Variants in SBF2 observed in about 807,000 individuals in gnomAD.
SBF2 encodes the protein SET binding factor 2.
A neutral mutation model predicts 225.2 loss-of-function variants in SBF2; 112 were observed. The ratio of observed to expected loss-of-function variants is 0.50; its 90% CI spans 0.43 to 0.58. The LOEUF is 0.58. Ranked by LOEUF, SBF2 falls within the 20% of genes least tolerant of loss-of-function variation. The pLI is 0.00. For synonymous variants in SBF2, 763 were observed against 773.3 expected (o/e 0.99, Z 0.22); for missense variants, 1,996 against 2,206.2 (o/e 0.90, Z 1.91).
intron 2 of SBF2, among the ~76,000 whole-genome samples, chr11:10,073,710 G>A (rs1342645743): frequency 1.3e-5 from 2 of 152,116 alleles, no homozygotes; most frequent in African/African-American, 4.8e-5. Flanking sequence ...GGGAGACAGA[G>A]TGCGGCTCCA....
At chr11:9,873,326 G>T (rs1396537970) in intron 17 of SBF2, among the ~76,000 whole-genome samples, 1 of 152,002 alleles carries the variant, frequency 6.6e-6, no homozygotes, top group Non-Finnish European at 1.5e-5. Flanking sequence ...CACAAATGGT[G>T]GTTATAGTCA....
intron 1 of SBF2, among the ~76,000 whole-genome samples, chr11:10,201,127 C>A (rs1957555629): frequency 6.6e-6 from 1 of 152,114 alleles, no homozygotes; most frequent in Admixed American, 6.5e-5. Flanking sequence ...AAACGCACAG[C>A]ACTAGAAAAT....
chr11:10,289,175 G>A lies in SBF2; in HGVS notation c.55+4840C>T, dbSNP rs748436939. On this transcript the variant is annotated intron_variant, in intron 1 of 39. Transcript: ENST00000256190. ...AGCACCCTGGCTTGGCCCCAACCCC[G>A]CTCCGAGATTGGAGCAGGCGCCTCC... is the stretch of plus-strand genomic sequence containing the variant. Among the ~76,000 whole-genome samples the A allele has an allele frequency of 9.7e-4, 148 of 152,310 alleles. 1 individual carries two copies. The highest frequency in any genetic ancestry group is 8.1e-4 in the Non-Finnish European group (55 of 68,008).
chr11:10,080,248 CAAAAAA>C (rs34181436), intron 2 of SBF2, among the ~76,000 whole-genome samples: 1 of 82,226 alleles, frequency 1.2e-5, no homozygotes, highest in African/African-American at 5.1e-5. Context: ...AACTCTGTCT[CAAAAAA>C]AAAAAAAAAA....
chr11:10,098,715 ACAC>A (rs1952153912), intron 2 of SBF2, among the ~76,000 whole-genome samples: 1 of 149,896 alleles, frequency 6.7e-6, no homozygotes, highest in Admixed American at 6.7e-5. Context: ...ACACACACAC[ACAC>A]ACGAAATTCT....
At chr11:10,170,510 T>C (rs758385587) in intron 2 of SBF2, among the ~76,000 whole-genome samples, 19 of 152,198 alleles carry the variant, frequency 1.2e-4, no homozygotes, top group Non-Finnish European at 2.2e-4. Context: ...GCCAGTAACA[T>C]GCTATTTTGG....
intron 27 of SBF2, 45 bp from the exon 28 acceptor site, chr11:9,829,541 T>C: frequency 6.7e-7 from 1 of 1,483,560 alleles, no homozygotes; most frequent in South Asian, 1.1e-5. Flanking sequence ...GTCTCTGTGT[T>C]AACAAAACAA....
chr11:9,839,918 G>T (rs1413959389), intron 25 of SBF2, among the ~76,000 whole-genome samples: 3 of 152,186 alleles, frequency 2.0e-5, no homozygotes, highest in Non-Finnish European at 4.4e-5. Context: ...TTGAAGAAAT[G>T]ATTAGCTCAA....
intron 6 of SBF2, among the ~76,000 whole-genome samples, chr11:10,009,279 T>C (rs916978444): frequency 6.6e-6 from 1 of 152,202 alleles, no homozygotes. Flanking sequence ...TTTATTATAC[T>C]TTAAGTTCTG....
chr11:9,783,723 C>T (rs897257744), intron 38 of SBF2, among the ~76,000 whole-genome samples: 3 of 152,224 alleles, frequency 2.0e-5, no homozygotes, highest in Non-Finnish European at 4.4e-5. Flanking sequence ...AAGGACCAGT[C>T]TAGTACTTGC....
chr11:10,112,221 ATATGGTTTGGC>A (rs1397765716), intron 2 of SBF2, among the ~76,000 whole-genome samples: 2 of 152,186 alleles, frequency 1.3e-5, no homozygotes. Context: ...TTACCACCTG[ATATGGTTTGGC>A]TATGTCCCCA....
At chr11:10,133,859 G>A (rs1236121075) in intron 2 of SBF2, among the ~76,000 whole-genome samples, 1 of 152,226 alleles carries the variant, frequency 6.6e-6, no homozygotes. Context: ...CCAGCACGCT[G>A]TCACCTCTCA....
intron 1 of SBF2, among the ~76,000 whole-genome samples, chr11:10,214,650 A>C (rs1376354027): frequency 6.6e-6 from 1 of 151,986 alleles, no homozygotes; most frequent in Non-Finnish European, 1.5e-5. Context: ...ACAAACAAAA[A>C]CAGCCAGTCC....
At chr11:9,966,888 C>T (rs1441961039) in intron 14 of SBF2, among the ~76,000 whole-genome samples, 1 of 152,124 alleles carries the variant, frequency 6.6e-6, no homozygotes, top group African/African-American at 2.4e-5. Flanking sequence ...CCATATGACC[C>T]AGCAATTCCA....
chr11:10,210,394 G>A (rs993231827), intron 1 of SBF2, among the ~76,000 whole-genome samples: 1 of 151,820 alleles, frequency 6.6e-6, no homozygotes, highest in South Asian at 2.1e-4. Context: ...AAGAGAAGGA[G>A]GAAGGTATAG....
chr11:9,958,400 CAGGCT>C (rs1284937052), intron 16 of SBF2: 4 of 149,918 alleles, frequency 2.7e-5, no homozygotes, highest in Non-Finnish European at 4.4e-5. Flanking sequence ...CGCTGTCGCC[CAGGCT>C]GGAGTGCAGT....
At chr11:10,012,661 A>AT (rs554589852) in intron 6 of SBF2, among the ~76,000 whole-genome samples, 112 of 151,256 alleles carry the variant, frequency 7.4e-4, no homozygotes, top group Middle Eastern at 3.4e-3. Flanking sequence ...AGTTAATACT[A>AT]TTTTTTTTTC....
intron 26 of SBF2, among the ~76,000 whole-genome samples, chr11:9,836,577 C>A (rs1357196118): frequency 6.6e-6 from 1 of 152,100 alleles, no homozygotes; most frequent in East Asian, 1.9e-4. Flanking sequence ...GGCTACTCTG[C>A]CTTCCACATT....
At chr11:9,936,893 G>C (rs1329872701) in intron 16 of SBF2, among the ~76,000 whole-genome samples, 1 of 151,834 alleles carries the variant, frequency 6.6e-6, no homozygotes, top group Non-Finnish European at 1.5e-5. Context: ...TGGCACATGA[G>C]AGCAAGAACT....
Sources: gnomAD v4.1 joint callset for allele counts (sites outside exome capture counted in the v4.1 genomes callset) on GRCh38, gnomAD v4.1.1 for gene constraint, MANE v1.5 for transcripts, NCBI Gene and HGNC (gene_info 2026-07-23, HGNC 2026-07-21) for gene names.